NARS2: variants seen among roughly 807,000 people sequenced by gnomAD.
The protein encoded by NARS2 is asparaginyl-tRNA synthetase 2, mitochondrial, also known as asparaginyl-tRNA synthetase.
NARS2 carries 60 observed loss-of-function variants against 62.9 expected under a neutral mutation model. That is an observed-to-expected ratio of 0.95 (90% CI 0.77 to 1.18). The LOEUF is 1.18. Among genes scored for constraint, NARS2 ranks in the 50% most tolerant of loss-of-function variants. The pLI is 0.00. For missense variants in NARS2, 619 were observed against 576.4 expected (o/e 1.07, Z -0.76); for synonymous variants, 196 against 200.0 (o/e 0.98, Z 0.17).
At chr11:78,489,098 A>C (rs1859705237) in intron 7 of NARS2, among the ~76,000 whole-genome samples, 1 of 152,216 alleles carries the variant, frequency 6.6e-6, no homozygotes, top group South Asian at 2.1e-4. Context: ...AAAAAGCATA[A>C]TCCATGAAAG....
At chr11:78,445,524 G>A (rs1857728117) in intron 11 of NARS2, among the ~76,000 whole-genome samples, 1 of 152,190 alleles carries the variant, frequency 6.6e-6, no homozygotes, top group Non-Finnish European at 1.5e-5. Context: ...TGGAGGCTGA[G>A]GCACGAAGAA....
intron 12 of NARS2, among the ~76,000 whole-genome samples, chr11:78,443,285 C>T (rs893789245): frequency 1.3e-5 from 2 of 148,356 alleles, no homozygotes; most frequent in Non-Finnish European, 3.0e-5. Context: ...CAAGATCGCG[C>T]CACTGCACTC....
At chr11:78,464,742 T>C (rs1207413555) in intron 11 of NARS2, among the ~76,000 whole-genome samples, 6 of 151,992 alleles carry the variant, frequency 3.9e-5, no homozygotes, top group Admixed American at 3.3e-4. Flanking sequence ...AGAAACAGAG[T>C]GTCCACTGGT....
At chr11:78,465,596 C>T (rs1254433096) in intron 11 of NARS2, among the ~76,000 whole-genome samples, 1 of 152,110 alleles carries the variant, frequency 6.6e-6, no homozygotes, top group East Asian at 1.9e-4. Flanking sequence ...TCAGTCATTA[C>T]AAAACAAAAC....
At chr11:78,563,883 C>CAATATTATTATTATTATTATT (rs1453360896) in intron 4 of NARS2, among the ~76,000 whole-genome samples, 14 of 93,112 alleles carry the variant, frequency 1.5e-4, no homozygotes, top group African/African-American at 6.6e-4. Flanking sequence ...TACACACACA[C>CAATATTATTATTATTATTATT]AGTATTATTA....
intron 10 of NARS2, among the ~76,000 whole-genome samples, 153 bp from the exon 11 acceptor site, chr11:78,466,166 A>AAG (rs1565216360): frequency 1.3e-5 from 2 of 152,120 alleles, no homozygotes; most frequent in Non-Finnish European, 2.9e-5. Flanking sequence ...CTGACTAAAC[A>AAG]AGAGAGAGAT....
chr11:78,571,477 A>G (rs1457484483), intron 1 of NARS2, 33 bp from the exon 2 acceptor site: 1 of 1,491,236 alleles, frequency 6.7e-7, no homozygotes, highest in Non-Finnish European at 9.3e-7. Flanking sequence ...ATGTGAGCGT[A>G]AAACATTTTA....
chr11:78,515,816 A>G (rs550367063), intron 6 of NARS2, among the ~76,000 whole-genome samples: 1 of 152,260 alleles, frequency 6.6e-6, no homozygotes, highest in East Asian at 1.9e-4. Flanking sequence ...GAGCCACTGC[A>G]CCTGGCCTGA....
At chr11:78,517,172 T>C (rs1860944959) in intron 6 of NARS2, among the ~76,000 whole-genome samples, 1 of 152,124 alleles carries the variant, frequency 6.6e-6, no homozygotes, top group African/African-American at 2.4e-5. Context: ...CAAAGGGACA[T>C]GGAAGCAAAT....
chr11:78,468,524 C>T (rs1858729360), intron 10 of NARS2, among the ~76,000 whole-genome samples: 1 of 150,846 alleles, frequency 6.6e-6, no homozygotes. Flanking sequence ...CCTGCCTCAG[C>T]CTCCTGAGTA....
intron 7 of NARS2, among the ~76,000 whole-genome samples, chr11:78,481,921 C>T (rs1304994542): frequency 6.6e-6 from 1 of 152,070 alleles, no homozygotes; most frequent in Non-Finnish European, 1.5e-5. Flanking sequence ...CATTCAAGAA[C>T]GGTATATACC....
intron 5 of NARS2, among the ~76,000 whole-genome samples, chr11:78,541,668 A>G (rs774684093): frequency 6.6e-6 from 1 of 152,130 alleles, no homozygotes; most frequent in Non-Finnish European, 1.5e-5. Flanking sequence ...TGATCATACC[A>G]CTGCACTCCA....
chr11:78,535,276 A>C (rs764042690), intron 5 of NARS2, among the ~76,000 whole-genome samples: 13 of 152,208 alleles, frequency 8.5e-5, no homozygotes, highest in Non-Finnish European at 1.9e-4. Flanking sequence ...CTAAGTCGTC[A>C]CTTCCGATTC....
chr11:78,491,716 C>T (rs1171800763), intron 7 of NARS2, among the ~76,000 whole-genome samples: 1 of 152,182 alleles, frequency 6.6e-6, no homozygotes. Flanking sequence ...ATGTGACTTT[C>T]TTCCTTTCCT....
intron 7 of NARS2, among the ~76,000 whole-genome samples, chr11:78,490,807 A>G (rs1859787350): frequency 6.6e-6 from 1 of 152,124 alleles, no homozygotes; most frequent in African/African-American, 2.4e-5. Context: ...AGAAATGACT[A>G]ATTTTAAACC....
At chr11:78,555,110 T>C (rs981518220) in intron 5 of NARS2, 3 of 152,244 alleles carry the variant, frequency 2.0e-5, no homozygotes, top group East Asian at 3.8e-4. Context: ...AAATTTCTGA[T>C]GTGCTGCTGG....
At chr11:78,468,310 G>GAAAAAAAAAA (rs764254167) in intron 10 of NARS2, among the ~76,000 whole-genome samples, 71 of 67,190 alleles carry the variant, frequency 1.1e-3, no homozygotes, top group African/African-American at 2.3e-3. Context: ...CACTAAATCT[G>GAAAAAAAAAA]AAAAAAAAAA....
At chr11:78,469,962 C>A (rs769955767) in intron 9 of NARS2, among the ~76,000 whole-genome samples, 2 of 152,024 alleles carry the variant, frequency 1.3e-5, no homozygotes, top group Non-Finnish European at 2.9e-5. Context: ...AGGAAATGAA[C>A]CATAGAAGTA....
At position 78,574,572 on chromosome 11, in the gene NARS2, G is replaced by C. The variant is rs552710587; in HGVS notation, c.-84C>G. 274 of 1,441,522 alleles carry C rather than the reference G, an allele frequency of 1.9e-4. No individual in the cohort carries two copies. In the African/African-American group the frequency reaches 3.4e-3, roughly 18 times the overall value. 89.3% of individuals were successfully genotyped at this position (1,441,522 alleles called of 1,614,324 possible). A position where few individuals can be genotyped will look rare whatever the true frequency, so the allele number is the denominator to read the frequency against. ...CTGCAGCGGCCCTCCTTTCTCAGCTGCTCCCCTTCCGCGGCCGCAGCTCTG... is the reference window on the plus strand; with the variant it reads ...CTGCAGCGGCCCTCCTTTCTCAGCTCCTCCCCTTCCGCGGCCGCAGCTCTG... On this transcript the variant is annotated 5_prime_UTR_variant, in exon 1 of 14. Coordinates refer to ENST00000281038, the MANE Select transcript of NARS2 (RefSeq NM_024678.6).
Sources: allele counts gnomAD v4.1 joint callset (sites outside exome capture counted in the v4.1 genomes callset), GRCh38; gene constraint gnomAD v4.1.1; transcripts MANE v1.5; gene names NCBI Gene and HGNC (gene_info 2026-07-23, HGNC 2026-07-21).